DLEC1: variants seen among roughly 807,000 people sequenced by gnomAD.
DLEC1 encodes the protein DLEC1 cilia and flagella associated protein.
A neutral mutation model predicts 198.1 loss-of-function variants in DLEC1; 146 were observed. The observed-to-expected ratio is 0.74, with a 90% CI of 0.64 to 0.85. The LOEUF (loss-of-function observed/expected upper bound fraction) is 0.85. Among genes scored for constraint, DLEC1 ranks in the 40% least tolerant of loss-of-function variants. DLEC1 has a pLI of 0.00. For synonymous variants in DLEC1, 897 were observed against 866.8 expected, an observed-to-expected ratio of 1.03 and a Z score of -0.61; for missense variants, 2,233 against 2,220.0, an observed-to-expected ratio of 1.01 and a Z score of -0.12.
At chr3:38,098,677 A>G (rs1357817254) in intron 18 of DLEC1, among the ~76,000 whole-genome samples, 2 of 151,798 alleles carry the variant, frequency 1.3e-5, no homozygotes, top group African/African-American at 2.4e-5. Context: ...AACACCGCAC[A>G]CTTTTCCTTC....
In DLEC1 at chr3:38,095,893, G is replaced by A. The variant is rs764436543; in HGVS notation, c.2118G>A (p.Arg706=). The change falls in exon 14 of 37, where the codon AGG becomes AGA. Residue 706 remains arginine, a synonymous_variant. Transcript: ENST00000308059. The part of the protein sequence containing the change: ...FILSFSPHEL[R]DFHSVLQMVL... ...GCACTGTGTTTGCCTTGCAGCTGAG[G>A]GATTTTCACAGTGTGCTCCAGATGG... 1.2e-6 allele frequency: 2 copies of A among 1,613,762 alleles called. No homozygotes were observed. Among genetic ancestry groups the A allele is most frequent in the African/African-American group, 1.3e-5 (1 of 74,922 alleles).
chr3:38,065,221 G>T (rs776325563), intron 6 of DLEC1, among the ~76,000 whole-genome samples: 25 of 152,354 alleles, frequency 1.6e-4, no homozygotes, highest in Admixed American at 2.6e-4. Context: ...GCCTGCAATC[G>T]CAGGCACTCG....
chr3:38,095,175 G>T (rs1411181506), intron 13 of DLEC1, 104 bp downstream of exon 13: 7 of 1,429,524 alleles, frequency 4.9e-6, no homozygotes, highest in Non-Finnish European at 6.7e-6. Flanking sequence ...GGCCCACCGA[G>T]GTGCTATCCT....
At chr3:38,062,104 C>T in intron 3 of DLEC1, 65 bp from the exon 4 acceptor site, 2 of 1,553,922 alleles carry the variant, frequency 1.3e-6, no homozygotes, top group Non-Finnish European at 1.8e-6. Context: ...TTTATTTGGT[C>T]ATCTTAGGAA....
intron 6 of DLEC1, among the ~76,000 whole-genome samples, chr3:38,081,959 T>G (rs1698051296): frequency 7.5e-6 from 1 of 132,898 alleles, no homozygotes; most frequent in Admixed American, 7.3e-5. Flanking sequence ...ACTTCCCAGA[T>G]GGGGTGGCTG....
chr3:38,050,089 G>C (rs1461998855), intron 2 of DLEC1, among the ~76,000 whole-genome samples: 1 of 150,672 alleles, frequency 6.6e-6, no homozygotes, highest in South Asian at 2.1e-4. Flanking sequence ...TTTTTTTCAA[G>C]ACAGGGTCTC....
chr3:38,052,935 G>T (rs1236205636), intron 2 of DLEC1, among the ~76,000 whole-genome samples: 1 of 152,218 alleles, frequency 6.6e-6, no homozygotes, highest in Non-Finnish European at 1.5e-5. Context: ...GATTGCAGGG[G>T]CGCGCCGCCA....
At chr3:38,075,650 G>T (rs1697569935) in intron 6 of DLEC1, among the ~76,000 whole-genome samples, 4 of 151,988 alleles carry the variant, frequency 2.6e-5, no homozygotes, top group African/African-American at 9.7e-5. Context: ...AGAGATAAGA[G>T]GTCAGGGCAT....
At chr3:38,059,984 G>C in intron 3 of DLEC1, 132 bp downstream of exon 3, 1 of 749,108 alleles carries the variant, frequency 1.3e-6, no homozygotes, top group South Asian at 1.8e-5. Context: ...GATGGTGACT[G>C]TTGGGAAAGT....
intron 6 of DLEC1, among the ~76,000 whole-genome samples, chr3:38,078,330 T>C (rs1414669393): frequency 6.6e-5 from 10 of 152,300 alleles, no homozygotes; most frequent in Non-Finnish European, 1.3e-4. Flanking sequence ...TTTTTAGGGC[T>C]TCTAAAAGTA....
intron 23 of DLEC1, among the ~76,000 whole-genome samples, chr3:38,110,965 C>T (rs982925477): frequency 2.6e-5 from 4 of 152,050 alleles, no homozygotes; most frequent in African/African-American, 9.7e-5. Context: ...TACATATGCA[C>T]ATACATACAT....
At chr3:38,119,587 C>T (rs75603191) in intron 33 of DLEC1, among the ~76,000 whole-genome samples, 29,995 of 151,732 alleles carry the variant, frequency 0.2, 3,794 homozygotes, top group African/African-American at 0.36. Flanking sequence ...TCACCTAGGC[C>T]GGAGTGCAGT....
At chr3:38,053,522 C>G (rs1701245290) in intron 2 of DLEC1, among the ~76,000 whole-genome samples, 1 of 150,430 alleles carries the variant, frequency 6.6e-6, no homozygotes, top group South Asian at 2.1e-4. Flanking sequence ...GGCAGCCGCC[C>G]CGTCTGGGAA....
In DLEC1 at chr3:38,122,757, A is replaced by G. The variant is rs1700557847; in HGVS notation, c.*345A>G. On this transcript the variant is annotated 3_prime_UTR_variant, in exon 37 of 37. Transcript: ENST00000308059. ...ACTATGCCCATTGCACTTCTCATCCATGGATTTGCCTTGCCTTAAGAATTA... is the reference window on the plus strand; with the variant it reads ...ACTATGCCCATTGCACTTCTCATCCGTGGATTTGCCTTGCCTTAAGAATTA... 1.6e-6 allele frequency: 2 copies of G among 1,258,912 alleles called. No homozygotes were observed. The highest frequency in any genetic ancestry group is 2.1e-6 in the Non-Finnish European group (2 of 948,636). The allele number at this position is 1,258,912 out of a possible 1,614,324, so 78.0% of individuals were successfully genotyped here. A position where few individuals can be genotyped will look rare whatever the true frequency, so the allele number is the denominator to read the frequency against.
In DLEC1 at chr3:38,107,659, C is replaced by T; in HGVS notation, c.2940C>T (p.Leu980=). The change falls in exon 20 of 37, where the codon CTC becomes CTT. Residue 980 remains leucine, a synonymous_variant. Transcript: ENST00000308059. ...GCAGCCAGGTGGAGGTTAGAAATCT[C>T]TACCTGGGTGTGCCCACGAAGACAA... The part of the protein sequence containing the change: ...LQSSQVEVRN[L]YLGVPTKTTI... 6.2e-7 allele frequency: 1 copy of T among 1,614,150 alleles called. No individual in the cohort carries two copies. The highest frequency in any genetic ancestry group is 8.5e-7 in the Non-Finnish European group (1 of 1,180,024).
intron 7 of DLEC1, among the ~76,000 whole-genome samples, chr3:38,084,449 G>T (rs1211503919): frequency 1.2e-4 from 1 of 8,264 alleles, no homozygotes; most frequent in African/African-American, 4.7e-4. Context: ...TGGTGGTGGT[G>T]GTGGTAGTAG....
chr3:38,084,791 T>C (rs1021868883), intron 7 of DLEC1, among the ~76,000 whole-genome samples: 7 of 151,888 alleles, frequency 4.6e-5, no homozygotes, highest in Admixed American at 2.0e-4. Context: ...TCCTTTCTCC[T>C]GACCGCCTCC....
intron 2 of DLEC1, among the ~76,000 whole-genome samples, chr3:38,057,293 C>G (rs1355368921): frequency 6.6e-6 from 1 of 152,174 alleles, no homozygotes; most frequent in Admixed American, 6.5e-5. Flanking sequence ...GAGTTTGAGA[C>G]CAGCCTGGCC....
chr3:38,111,931 T>C (rs1475080362), intron 24 of DLEC1, among the ~76,000 whole-genome samples, 184 bp downstream of exon 24: 1 of 152,156 alleles, frequency 6.6e-6, no homozygotes, highest in African/African-American at 2.4e-5. Context: ...GGGCACAGGC[T>C]CATGCACAGG....
Sources: gnomAD v4.1 joint callset for allele counts (sites outside exome capture counted in the v4.1 genomes callset) on GRCh38, gnomAD v4.1.1 for gene constraint, MANE v1.5 for transcripts, NCBI Gene and HGNC (gene_info 2026-07-23, HGNC 2026-07-21) for gene names.